Variants in CUX1 observed in about 807,000 individuals in gnomAD.
CUX1 encodes protein CASP.
CUX1 carries 31 observed loss-of-function variants against 158.8 expected under a neutral mutation model. The observed-to-expected ratio is 0.20, with a 90% CI of 0.15 to 0.26. The LOEUF (loss-of-function observed/expected upper bound fraction) is 0.26, where lower values mean the gene tolerates loss of function less well. CUX1 is among the 10% of genes least tolerant of loss of function. CUX1 has a pLI of 1.00. For missense variants in CUX1, 1,589 were observed against 2,014.6 expected, an observed-to-expected ratio of 0.79 and a Z score of 4.04; for synonymous variants, 879 against 862.1, an observed-to-expected ratio of 1.02 and a Z score of -0.34.
intron 2 of CUX1, among the ~76,000 whole-genome samples, chr7:102,011,458 T>A (rs1295721086): frequency 6.6e-6 from 1 of 151,804 alleles, no homozygotes; most frequent in Non-Finnish European, 1.5e-5. Context: ...GCTTGCTTAT[T>A]TATTTATTTT....
At chr7:102,029,513 A>T (rs1003891622) in intron 3 of CUX1, among the ~76,000 whole-genome samples, 1 of 152,136 alleles carries the variant, frequency 6.6e-6, no homozygotes, top group Admixed American at 6.6e-5. Flanking sequence ...ATCAACTGGG[A>T]GCGAGAGCAG....
At chr7:101,826,891 C>T (rs113176690) in intron 1 of CUX1, among the ~76,000 whole-genome samples, 453 of 152,116 alleles carry the variant, frequency 3.0e-3, no homozygotes, top group African/African-American at 0.01. Context: ...CTTGTGTGTC[C>T]GATTTAGGAC....
chr7:102,233,729 G>T (rs921674303), intron 21 of CUX1, among the ~76,000 whole-genome samples: 4 of 152,172 alleles, frequency 2.6e-5, no homozygotes, highest in Non-Finnish European at 5.9e-5. Context: ...GGAGGTTGCA[G>T]TGAGCCAAGA....
At chr7:101,818,086 G>C (rs1262362666) in intron 1 of CUX1, among the ~76,000 whole-genome samples, 1 of 152,146 alleles carries the variant, frequency 6.6e-6, no homozygotes, top group Non-Finnish European at 1.5e-5. Flanking sequence ...GAAATTTCTC[G>C]CTTAACTAGG....
intron 2 of CUX1, among the ~76,000 whole-genome samples, chr7:101,944,992 C>T (rs1389687610): frequency 6.6e-6 from 1 of 152,148 alleles, no homozygotes; most frequent in Non-Finnish European, 1.5e-5. Flanking sequence ...CCAAATGCCA[C>T]GAGAGTGAGA....
At chr7:102,266,707 C>T (rs1268894080) in intron 14 of CUX1, among the ~76,000 whole-genome samples, 3 of 151,936 alleles carry the variant, frequency 2.0e-5, no homozygotes, top group South Asian at 2.1e-4. Context: ...CCAGGAGGGT[C>T]GGTGACCTGG....
intron 1 of CUX1, among the ~76,000 whole-genome samples, chr7:101,857,276 A>G (rs1796955319): frequency 6.6e-6 from 1 of 152,258 alleles, no homozygotes; most frequent in Non-Finnish European, 1.5e-5. Flanking sequence ...CAGGCCTAGC[A>G]TTCAATACCT....
At chr7:102,117,548 G>A (rs1422917644) in intron 8 of CUX1, among the ~76,000 whole-genome samples, 2 of 152,134 alleles carry the variant, frequency 1.3e-5, no homozygotes, top group East Asian at 1.9e-4. Flanking sequence ...GGGCCCCCTC[G>A]AGGGGAGCCG....
chr7:101,964,314 G>A (rs1211722151), intron 2 of CUX1, among the ~76,000 whole-genome samples: 4 of 151,976 alleles, frequency 2.6e-5, no homozygotes, highest in Non-Finnish European at 5.9e-5. Flanking sequence ...GATCATGACA[G>A]TGCACTCCAG....
intron 1 of CUX1, among the ~76,000 whole-genome samples, chr7:101,859,940 CCTTCCTTCCTTTT>C (rs1367864295): frequency 6.6e-6 from 1 of 150,418 alleles, no homozygotes; most frequent in Non-Finnish European, 1.5e-5. Context: ...TTTGCTCCTT[CCTTCCTTCCTTTT>C]CTTCCTTCCC....
chr7:102,037,527 T>C (rs1821578108), intron 3 of CUX1, among the ~76,000 whole-genome samples: 1 of 151,592 alleles, frequency 6.6e-6, no homozygotes, highest in Admixed American at 6.6e-5. Context: ...TAATTTTGTA[T>C]TTTTAGTAGA....
At chr7:102,197,909 T>C (rs782595483) in intron 15 of CUX1, among the ~76,000 whole-genome samples, 28 of 152,176 alleles carry the variant, frequency 1.8e-4, no homozygotes, top group Non-Finnish European at 2.8e-4. Flanking sequence ...TTAAGCACCC[T>C]TTCTACCCCA....
At chr7:102,046,487 T>G (rs1417385427) in intron 3 of CUX1, among the ~76,000 whole-genome samples, 2 of 151,682 alleles carry the variant, frequency 1.3e-5, no homozygotes, top group Non-Finnish European at 2.9e-5. Context: ...CCTGCCTCAG[T>G]CTCCCTAACT....
intron 1 of CUX1, among the ~76,000 whole-genome samples, chr7:101,904,021 G>A (rs1802457340): frequency 6.6e-6 from 1 of 151,798 alleles, no homozygotes; most frequent in Non-Finnish European, 1.5e-5. Flanking sequence ...AGCCAGGTCC[G>A]GTCACTCGCA....
rs2132632570 is a variant in CUX1 at position 102,249,291 on chromosome 7, CCG to C, written c.*252_*253del. ...GCCGACCCTGCGGCCTCCACCAACC[CCG>C]CGGCCCAGACCCAGCCCGCGGCCTG... On this transcript the variant is annotated 3_prime_UTR_variant, in exon 24 of 24. Transcript: ENST00000292535. 1 of 1,042,856 alleles carries C rather than the reference CCG, an allele frequency of 9.6e-7. No individual in the cohort carries two copies. Among genetic ancestry groups the C allele is most frequent in the East Asian group, 7.3e-5 (1 of 13,614 alleles). 64.6% of individuals were successfully genotyped at this position (1,042,856 alleles called of 1,614,324 possible). A position where few individuals can be genotyped will look rare whatever the true frequency, so the allele number is the denominator to read the frequency against.
At chr7:102,097,326 T>C in intron 4 of CUX1, 38 bp from the exon 5 acceptor site, 1 of 1,580,238 alleles carries the variant, frequency 6.3e-7, no homozygotes, top group Non-Finnish European at 8.6e-7. Flanking sequence ...GCCTGTTTGC[T>C]GGCCGAGTGG....
intron 9 of CUX1, among the ~76,000 whole-genome samples, chr7:102,169,347 G>A (rs1258305683): frequency 1.3e-5 from 2 of 152,156 alleles, no homozygotes; most frequent in African/African-American, 4.8e-5. Flanking sequence ...AGGATTACAG[G>A]TGTGAGCCAC....
intron 5 of CUX1, among the ~76,000 whole-genome samples, chr7:102,100,501 G>A (rs1829660715): frequency 6.6e-6 from 1 of 152,156 alleles, no homozygotes; most frequent in Non-Finnish European, 1.5e-5. Flanking sequence ...TCAGCAGTGT[G>A]GTTTTTGAAA....
At chr7:102,271,793 G>A (rs563228117) in intron 14 of CUX1, among the ~76,000 whole-genome samples, 1 of 152,266 alleles carries the variant, frequency 6.6e-6, no homozygotes, top group African/African-American at 2.4e-5. Context: ...ACATTGGGAG[G>A]TTGAGGCGGA....
Sources: allele counts gnomAD v4.1 joint callset (sites outside exome capture counted in the v4.1 genomes callset), GRCh38; gene constraint gnomAD v4.1.1; transcripts MANE v1.5; gene names NCBI Gene and HGNC (gene_info 2026-07-23, HGNC 2026-07-21).